The following ATIC variants were observed in gnomAD, a reference collection of about 807,000 sequenced individuals.
ATIC encodes bifunctional purine biosynthesis protein ATIC.
ATIC carries 64 observed loss-of-function variants against 72.5 expected under a neutral mutation model. That is an observed-to-expected ratio of 0.88 (90% CI 0.72 to 1.09). The LOEUF (loss-of-function observed/expected upper bound fraction) is 1.09, where lower values mean the gene tolerates loss of function less well. ATIC is among the 50% of genes least tolerant of loss of function. The pLI, the probability that ATIC is intolerant of heterozygous loss-of-function variation, is 0.00. For missense variants in ATIC, 787 were observed against 732.4 expected (o/e 1.07, Z -0.86); for synonymous variants, 281 against 267.1 (o/e 1.05, Z -0.51).
At chr2:215,343,604 A>T (rs1220909122) in intron 12 of ATIC, among the ~76,000 whole-genome samples, 1 of 152,268 alleles carries the variant, frequency 6.6e-6, no homozygotes, top group South Asian at 2.1e-4. Flanking sequence ...CCAAAGTGCT[A>T]GGATTACAGG....
the ATIC span, among the ~76,000 whole-genome samples, chr2:215,356,534 G>A: frequency 6.6e-6 from 1 of 152,068 alleles, no homozygotes; most frequent in Non-Finnish European, 1.5e-5. Flanking sequence ...TCACACAATT[G>A]TGCAACAATC....
At chr2:215,338,742 G>A in intron 11 of ATIC, 37 bp from the exon 12 acceptor site, 1 of 1,605,210 alleles carries the variant, frequency 6.2e-7, no homozygotes, top group South Asian at 1.1e-5. Flanking sequence ...GAGGGAAGTG[G>A]AGAGATTAAC....
At position 215,319,710 on chromosome 2, in the gene ATIC, G is replaced by T; in HGVS notation, c.269G>T (p.Arg90Ile). 1 of 1,611,902 alleles carries T rather than the reference G, an allele frequency of 6.2e-7. No homozygotes were observed. The highest frequency in any genetic ancestry group is 8.5e-7 in the Non-Finnish European group (1 of 1,178,096). The change falls in exon 4 of 16, where the codon AGA (arginine) becomes ATA (isoleucine). Residue 90 changes from arginine (R) to isoleucine (I), a missense_variant. Physicochemically the swap from Arg to Ile is moderately conservative, Grantham distance 97 (BLOSUM62 -3). Coordinates refer to ENST00000236959, the MANE Select transcript of ATIC (RefSeq NM_004044.7). Reference protein sequence around the residue: ...NIPEDNADMARLDFNLIRVVA... With the variant: ...NIPEDNADMAILDFNLIRVVA... ...CCAGAAGATAATGCTGACATGGCCA[G>T]ACTTGATTTCAATCTTATAAGGTAA...
chr2:215,343,721 C>T (rs886329184), intron 12 of ATIC, among the ~76,000 whole-genome samples: 5 of 152,118 alleles, frequency 3.3e-5, no homozygotes, highest in Admixed American at 6.6e-5. Context: ...TCTCCTAGTT[C>T]GTAGCTTGTC....
intron 4 of ATIC, among the ~76,000 whole-genome samples, chr2:215,323,869 G>A: frequency 6.6e-6 from 1 of 152,158 alleles, no homozygotes. Flanking sequence ...CGCCTCCCGG[G>A]TTTAAGTGAT....
intron 1 of ATIC, 53 bp from the exon 2 acceptor site, chr2:215,312,445 A>G: frequency 6.2e-7 from 1 of 1,614,074 alleles, no homozygotes; most frequent in Non-Finnish European, 8.5e-7. Flanking sequence ...AAGGCCTTGC[A>G]GAACACAGTG....
chr2:215,325,209 T>G, intron 4 of ATIC, 32 bp from the exon 5 acceptor site: 2 of 1,570,612 alleles, frequency 1.3e-6, no homozygotes, highest in East Asian at 4.5e-5. Context: ...GTGGACTTTT[T>G]AATGACAGCC....
chr2:215,319,808 T>TTAAG, intron 4 of ATIC, 77 bp downstream of exon 4: 2 of 1,202,700 alleles, frequency 1.7e-6, no homozygotes, highest in Non-Finnish European at 1.2e-6. Context: ...GTCCCTGTGT[T>TTAAG]TTCTTACTCA....
rs145679715 is a variant in ATIC, at chr2:215,316,826, A to G, written c.147-1331A>G. Reference sequence around the variant, plus strand: ...TGCCCAGGTTGAAATGCAGTGGCACAATCTTGGCTCACTGCAACCTCCGCC... The same window carrying G: ...TGCCCAGGTTGAAATGCAGTGGCACGATCTTGGCTCACTGCAACCTCCGCC... On this transcript the variant is annotated intron_variant, in intron 2 of 15. Transcript: ENST00000236959. Among the ~76,000 whole-genome samples the G allele has an allele frequency of 5.1e-3, 774 of 152,254 alleles. 6 individuals are homozygous for G. The highest frequency in any genetic ancestry group is 0.018 in the African/African-American group (738 of 41,538).
At chr2:215,361,723 T>A in the ATIC span, 1 of 1,050,736 alleles carries the variant, frequency 9.5e-7, no homozygotes, top group South Asian at 1.3e-5. Flanking sequence ...GACAGCTGCT[T>A]ATAGATAGGA....
At chr2:215,316,946 G>C (rs2052716051) in intron 2 of ATIC, among the ~76,000 whole-genome samples, 1 of 152,250 alleles carries the variant, frequency 6.6e-6, no homozygotes, top group Non-Finnish European at 1.5e-5. Flanking sequence ...ATTTTTAGTA[G>C]AGGCGGGGTT....
At chr2:215,314,518 GAT>G (rs2052688787) in intron 2 of ATIC, among the ~76,000 whole-genome samples, 1 of 150,580 alleles carries the variant, frequency 6.6e-6, no homozygotes, top group African/African-American at 2.4e-5. Flanking sequence ...TTTTCTCTGA[GAT>G]AGAGTTTCAC....
rs564042462 is a variant in ATIC, at chr2:215,313,946, A to G, written c.146+1322A>G. Among the ~76,000 whole-genome samples, 14 of 152,282 alleles carry G rather than the reference A, an allele frequency of 9.2e-5. No homozygotes were observed. In the South Asian group the frequency reaches 1.0e-3, roughly 11 times the overall value. ...CCATTGGGCCAAGTTGGGTCCTCCTATGGTAATGGAACCTTCGTAAAGCAA... is the reference window on the plus strand; with the variant it reads ...CCATTGGGCCAAGTTGGGTCCTCCTGTGGTAATGGAACCTTCGTAAAGCAA... On this transcript the variant is annotated intron_variant, in intron 2 of 15. Coordinates refer to ENST00000236959, the MANE Select transcript of ATIC (RefSeq NM_004044.7).
At chr2:215,324,765 C>G (rs12105862) in intron 4 of ATIC, among the ~76,000 whole-genome samples, 1 of 152,084 alleles carries the variant, frequency 6.6e-6, no homozygotes, top group African/African-American at 2.4e-5. Context: ...GAAGGCAAAA[C>G]AAATGTTTCA....
At chr2:215,359,143 C>T in the ATIC span, among the ~76,000 whole-genome samples, 1 of 152,178 alleles carries the variant, frequency 6.6e-6, no homozygotes, top group Non-Finnish European at 1.5e-5. Flanking sequence ...CTCGGCGCCT[C>T]AAAGTACTGG....
chr2:215,362,197 T>C, the ATIC span: 1 of 734,276 alleles, frequency 1.4e-6, no homozygotes, highest in Non-Finnish European at 2.4e-6. Flanking sequence ...TATAAGCAGT[T>C]AATCACTAAG....
rs1345277520 is a variant in ATIC, at chr2:215,349,448, T to C, written c.1660-88T>C. 10 of 1,606,046 alleles carry C rather than the reference T, an allele frequency of 6.2e-6. No individual in the cohort carries two copies. The East Asian group carries it at 2.2e-4, about 36-fold the overall frequency. On this transcript the variant is annotated intron_variant, in intron 15 of 15. Coordinates refer to ENST00000236959, the MANE Select transcript of ATIC (RefSeq NM_004044.7). ...TTGCCTTTTTGACTGAGTGTATCTT[T>C]GTTAGCATATGCTTTTTAGAGGGGG...
chr2:215,318,732 C>T (rs1471852869), intron 3 of ATIC, among the ~76,000 whole-genome samples: 4 of 152,102 alleles, frequency 2.6e-5, no homozygotes, highest in Non-Finnish European at 2.9e-5. Flanking sequence ...TGAATGGCTA[C>T]AGATCATCAG....
intron 12 of ATIC, among the ~76,000 whole-genome samples, chr2:215,341,214 G>A (rs2053015223): frequency 6.6e-6 from 1 of 152,148 alleles, no homozygotes; most frequent in Non-Finnish European, 1.5e-5. Flanking sequence ...AAAGAAACAT[G>A]TAGGCATTAT....
Sources: gnomAD v4.1 joint callset for allele counts (sites outside exome capture counted in the v4.1 genomes callset) on GRCh38, gnomAD v4.1.1 for gene constraint, MANE v1.5 for transcripts, NCBI Gene and HGNC (gene_info 2026-07-23, HGNC 2026-07-21) for gene names.